Variants in PITPNC1 observed in about 807,000 individuals in gnomAD.
PITPNC1 encodes the protein phosphatidylinositol transfer protein cytoplasmic 1, also known as cytoplasmic phosphatidylinositol transfer protein 1.
PITPNC1 carries 18 observed loss-of-function variants against 44.7 expected under a neutral mutation model. The observed-to-expected ratio is 0.40, with a 90% CI of 0.28 to 0.60. The LOEUF (loss-of-function observed/expected upper bound fraction) is 0.60. Among genes scored for constraint, PITPNC1 ranks in the 20% least tolerant of loss-of-function variants. PITPNC1 has a pLI of 0.39. For missense variants in PITPNC1, 290 were observed against 418.4 expected, an observed-to-expected ratio of 0.69 and a Z score of 2.68; for synonymous variants, 141 against 149.6, an observed-to-expected ratio of 0.94 and a Z score of 0.42.
chr17:67,549,082 C>T (rs1050032137), intron 2 of PITPNC1, among the ~76,000 whole-genome samples: 3 of 152,126 alleles, frequency 2.0e-5, no homozygotes, highest in African/African-American at 2.4e-5. Flanking sequence ...ATTTAAATAG[C>T]GCATCATGGA....
At chr17:67,644,830 A>C (rs777808052) in intron 6 of PITPNC1, among the ~76,000 whole-genome samples, 14 of 152,288 alleles carry the variant, frequency 9.2e-5, no homozygotes, top group Non-Finnish European at 1.8e-4. Flanking sequence ...AAAGTAAAAC[A>C]CCAGAACTTC....
chr17:67,418,763 G>A (rs2038622978), intron 1 of PITPNC1, among the ~76,000 whole-genome samples: 1 of 152,066 alleles, frequency 6.6e-6, no homozygotes, highest in Admixed American at 6.6e-5. Flanking sequence ...GTTTCACCAT[G>A]TTGGCCAGGC....
intron 1 of PITPNC1, among the ~76,000 whole-genome samples, chr17:67,507,374 C>T (rs1334959254): frequency 1.3e-5 from 2 of 151,972 alleles, no homozygotes; most frequent in Non-Finnish European, 2.9e-5. Context: ...TTAAAGGTTT[C>T]AGATTTGCAG....
chr17:67,517,095 A>G (rs7224073), intron 1 of PITPNC1, among the ~76,000 whole-genome samples: 104,646 of 152,106 alleles, frequency 0.69, 36,214 homozygotes, highest in East Asian at 0.77. Context: ...TCAGCTCTTC[A>G]TTGTCCTTGA....
At chr17:67,661,462 C>T (rs1055118250) in intron 6 of PITPNC1, among the ~76,000 whole-genome samples, 7 of 152,160 alleles carry the variant, frequency 4.6e-5, no homozygotes. Context: ...TTTCTCCCCT[C>T]ACCCCCAGGC....
chr17:67,469,383 G>T (rs142245619), intron 1 of PITPNC1, among the ~76,000 whole-genome samples: 1 of 152,104 alleles, frequency 6.6e-6, no homozygotes, highest in African/African-American at 2.4e-5. Flanking sequence ...CCTCAGCACC[G>T]TATCACTCCG....
intron 1 of PITPNC1, among the ~76,000 whole-genome samples, chr17:67,444,092 C>A (rs909335622): frequency 6.6e-6 from 1 of 152,034 alleles, no homozygotes; most frequent in Non-Finnish European, 1.5e-5. Context: ...TACCCATCAT[C>A]CAACTAGAAC....
intron 1 of PITPNC1, among the ~76,000 whole-genome samples, chr17:67,433,127 T>G (rs1324569425): frequency 6.6e-6 from 1 of 152,086 alleles, no homozygotes; most frequent in African/African-American, 2.4e-5. Context: ...TTGTAGATAT[T>G]TGGCAAAAGA....
intron 1 of PITPNC1, among the ~76,000 whole-genome samples, chr17:67,450,177 G>A (rs892989484): frequency 6.6e-6 from 1 of 152,202 alleles, no homozygotes; most frequent in Non-Finnish European, 1.5e-5. Flanking sequence ...TCAGTTTCAT[G>A]AATCTTGCAG....
intron 1 of PITPNC1, chr17:67,524,603 G>A (rs536844223): frequency 6.6e-6 from 1 of 151,504 alleles, no homozygotes; most frequent in Non-Finnish European, 1.5e-5. Context: ...CAAATCTAGT[G>A]TGCATTTTAG....
chr17:67,590,884 T>C (rs1421072729), intron 5 of PITPNC1, among the ~76,000 whole-genome samples: 6 of 151,046 alleles, frequency 4.0e-5, no homozygotes, highest in Non-Finnish European at 5.9e-5. Context: ...ACCTGGGAGA[T>C]GGAGGTTGCA....
intron 1 of PITPNC1, among the ~76,000 whole-genome samples, chr17:67,489,828 C>T (rs2039836855): frequency 6.6e-6 from 1 of 152,172 alleles, no homozygotes; most frequent in South Asian, 2.1e-4. Context: ...ACTGAAACCT[C>T]TTCCTGCCAG....
At chr17:67,669,743 C>G in intron 7 of PITPNC1, 80 bp downstream of exon 7, 1 of 1,008,570 alleles carries the variant, frequency 9.9e-7, no homozygotes, top group South Asian at 1.5e-5. Flanking sequence ...TGATACACAA[C>G]AGGTGCACAA....
Position 67,488,303 on chromosome 17 carries a change from C to T in PITPNC1, c.49-44499C>T, listed in dbSNP as rs563513332. Among the ~76,000 whole-genome samples, 27 of 152,312 alleles carry T rather than the reference C, an allele frequency of 1.8e-4. No homozygotes were observed. The South Asian group carries it at 4.4e-3, about 25-fold the overall frequency. On this transcript the variant is annotated intron_variant, in intron 1 of 8. Transcript: ENST00000581322. ...GCGTGGAGCGCTTCGGAATTCACCT[C>T]GTGTTGCTTGGAAGCTGGCAGCCCG...
intron 5 of PITPNC1, among the ~76,000 whole-genome samples, chr17:67,621,023 G>A (rs1483618096): frequency 1.3e-5 from 2 of 151,842 alleles, no homozygotes; most frequent in African/African-American, 4.8e-5. Flanking sequence ...CTGCAGGCAC[G>A]ATGTGGGGTT....
intron 4 of PITPNC1, among the ~76,000 whole-genome samples, chr17:67,560,058 A>G (rs1202877726): frequency 1.3e-5 from 2 of 152,200 alleles, no homozygotes; most frequent in Non-Finnish European, 2.9e-5. Flanking sequence ...TAAGTAAGGG[A>G]TGGGCTATAC....
chr17:67,621,835 C>T (rs1301856320), intron 5 of PITPNC1, among the ~76,000 whole-genome samples: 1 of 152,108 alleles, frequency 6.6e-6, no homozygotes, highest in Non-Finnish European at 1.5e-5. Context: ...GGTTCTGAGG[C>T]CAGGTGCAGT....
intron 1 of PITPNC1, among the ~76,000 whole-genome samples, chr17:67,385,401 G>A (rs1037211654): frequency 6.6e-6 from 1 of 152,168 alleles, no homozygotes; most frequent in Non-Finnish European, 1.5e-5. Context: ...CTGTAAAATG[G>A]AGCAATCAGC....
intron 1 of PITPNC1, among the ~76,000 whole-genome samples, chr17:67,448,592 C>T (rs1009216533): frequency 6.6e-6 from 1 of 152,168 alleles, no homozygotes; most frequent in Admixed American, 6.6e-5. Flanking sequence ...CTCCACTGGA[C>T]CATTCTCTAG....
Sources: allele counts gnomAD v4.1 joint callset (sites outside exome capture counted in the v4.1 genomes callset), GRCh38; gene constraint gnomAD v4.1.1; transcripts MANE v1.5; gene names NCBI Gene and HGNC (gene_info 2026-07-23, HGNC 2026-07-21).